BRINP3: variants seen among roughly 807,000 people sequenced by gnomAD.
BRINP3 encodes BMP/retinoic acid-inducible neural-specific protein 3.
Under a neutral mutation model 71.0 loss-of-function variants are expected in BRINP3, and 19 were observed. The observed-to-expected ratio is 0.27, with a 90% CI of 0.19 to 0.39. The LOEUF is 0.39. BRINP3 is among the 10% of genes least tolerant of loss of function. BRINP3 has a pLI of 1.00. For missense variants in BRINP3, 959 were observed against 940.8 expected (o/e 1.02, Z -0.25); for synonymous variants, 380 against 337.7 (o/e 1.13, Z -1.37).
intron 2 of BRINP3, among the ~76,000 whole-genome samples, chr1:190,313,868 TG>T (rs1178742189): frequency 3.9e-5 from 6 of 152,038 alleles, no homozygotes; most frequent in Admixed American, 2.0e-4. Context: ...TGTGGATAAT[TG>T]GTGAACTAAG....
chr1:190,377,097 T>G lies in BRINP3; in HGVS notation c.236+77558A>C, dbSNP rs1280565555. Among the ~76,000 whole-genome samples the G allele has an allele frequency of 7.9e-5, 12 of 152,106 alleles. No homozygotes were observed. In the East Asian group the frequency reaches 2.3e-3, roughly 29 times the overall value. On this transcript the variant is annotated intron_variant, in intron 2 of 7. Coordinates refer to ENST00000367462, the MANE Select transcript of BRINP3 (RefSeq NM_199051.3). Reference sequence around the variant, plus strand: ...ATAATTTTATTTTGATTATTTTTAATTTTCAATATCCACCTATAGCTAATG... The same window carrying G: ...ATAATTTTATTTTGATTATTTTTAAGTTTCAATATCCACCTATAGCTAATG...
At chr1:190,403,174 T>G (rs1323257897) in intron 2 of BRINP3, among the ~76,000 whole-genome samples, 3 of 152,168 alleles carry the variant, frequency 2.0e-5, no homozygotes, top group Non-Finnish European at 4.4e-5. Flanking sequence ...AACCAACGAA[T>G]ACACCAAAAA....
intron 3 of BRINP3, among the ~76,000 whole-genome samples, chr1:190,269,357 C>T (rs1439644155): frequency 6.6e-6 from 1 of 151,874 alleles, no homozygotes; most frequent in Non-Finnish European, 1.5e-5. Context: ...CATGAAAATA[C>T]AAAGGAAGGA....
intron 7 of BRINP3, among the ~76,000 whole-genome samples, chr1:190,159,803 AAT>A (rs1657188556): frequency 6.6e-6 from 1 of 152,008 alleles, no homozygotes; most frequent in Admixed American, 6.6e-5. Flanking sequence ...ACTAGACACC[AAT>A]AAATTGTAAA....
At chr1:190,352,351 A>G (rs1391873181) in intron 2 of BRINP3, among the ~76,000 whole-genome samples, 1 of 152,014 alleles carries the variant, frequency 6.6e-6, no homozygotes, top group Non-Finnish European at 1.5e-5. Flanking sequence ...ACTACTTTTG[A>G]GTTTCAAATG....
At chr1:190,392,958 T>G (rs1292995289) in intron 2 of BRINP3, among the ~76,000 whole-genome samples, 1 of 151,688 alleles carries the variant, frequency 6.6e-6, no homozygotes, top group East Asian at 1.9e-4. Flanking sequence ...ATGGCCAGAC[T>G]TGAATCAAAT....
intron 1 of BRINP3, among the ~76,000 whole-genome samples, chr1:190,457,420 G>A (rs1022431809): frequency 4.0e-5 from 6 of 151,568 alleles, no homozygotes; most frequent in Non-Finnish European, 5.9e-5. Context: ...CTCCAGCCTG[G>A]GTAACAGAGG....
At chr1:190,210,547 T>C (rs1452249171) in intron 6 of BRINP3, among the ~76,000 whole-genome samples, 1 of 152,110 alleles carries the variant, frequency 6.6e-6, no homozygotes, top group Non-Finnish European at 1.5e-5. Flanking sequence ...CATTTGTGTG[T>C]TCCGGTATAA....
At chr1:190,458,683 T>C (rs1676174551) in intron 1 of BRINP3, among the ~76,000 whole-genome samples, 1 of 151,992 alleles carries the variant, frequency 6.6e-6, no homozygotes, top group Non-Finnish European at 1.5e-5. Flanking sequence ...GTTAGGATAT[T>C]TTGAGGTGAC....
At chr1:190,368,071 C>T (rs545062276) in intron 2 of BRINP3, among the ~76,000 whole-genome samples, 132 of 152,192 alleles carry the variant, frequency 8.7e-4, no homozygotes, top group African/African-American at 3.0e-3. Flanking sequence ...TACCCAGCAC[C>T]GATGTACTGT....
At chr1:190,438,235 C>T (rs1353000596) in intron 2 of BRINP3, among the ~76,000 whole-genome samples, 1 of 151,046 alleles carries the variant, frequency 6.6e-6, no homozygotes, top group Non-Finnish European at 1.5e-5. Context: ...GCTGCTTTGA[C>T]AATAATTATA....
chr1:190,410,149 A>G (rs1252472681), intron 2 of BRINP3, among the ~76,000 whole-genome samples: 1 of 152,074 alleles, frequency 6.6e-6, no homozygotes, highest in Non-Finnish European at 1.5e-5. Flanking sequence ...AAGAAATGAT[A>G]TTGACCAGGA....
intron 6 of BRINP3, among the ~76,000 whole-genome samples, chr1:190,202,818 G>C (rs1655125106): frequency 1.3e-5 from 2 of 152,070 alleles, no homozygotes; most frequent in Non-Finnish European, 2.9e-5. Flanking sequence ...CAGCCATGTA[G>C]AACTGTAAGT....
At chr1:190,465,377 G>A (rs184163036) in intron 1 of BRINP3, among the ~76,000 whole-genome samples, 1 of 152,024 alleles carries the variant, frequency 6.6e-6, no homozygotes, top group East Asian at 1.9e-4. Flanking sequence ...TCAGGCTCCT[G>A]TTAACTCAGT....
intron 6 of BRINP3, among the ~76,000 whole-genome samples, 193 bp from the exon 7 acceptor site, chr1:190,161,083 C>A (rs548565412): frequency 6.6e-6 from 1 of 152,008 alleles, no homozygotes; most frequent in African/African-American, 2.4e-5. Flanking sequence ...GAATTATCTT[C>A]TTTGCTGTTC....
intron 6 of BRINP3, among the ~76,000 whole-genome samples, chr1:190,164,229 A>G (rs1651278995): frequency 6.6e-6 from 1 of 152,176 alleles, no homozygotes; most frequent in South Asian, 2.1e-4. Flanking sequence ...ACTGCTTTAG[A>G]ATATATTTTC....
At chr1:190,113,866 G>GT (rs1652898007) in intron 7 of BRINP3, among the ~76,000 whole-genome samples, 1 of 152,042 alleles carries the variant, frequency 6.6e-6, no homozygotes, top group Admixed American at 6.6e-5. Context: ...TTTGGAATAC[G>GT]TTTTTTTCAC....
chr1:190,119,439 C>G (rs1263467816), intron 7 of BRINP3, among the ~76,000 whole-genome samples: 1 of 151,976 alleles, frequency 6.6e-6, no homozygotes, highest in Non-Finnish European at 1.5e-5. Context: ...CCATGCCCGG[C>G]TAATTTTTCT....
intron 2 of BRINP3, among the ~76,000 whole-genome samples, chr1:190,410,392 A>T (rs189610624): frequency 7.2e-5 from 11 of 152,240 alleles, no homozygotes; most frequent in Admixed American, 5.2e-4. Context: ...GAGGAAATTA[A>T]GTGTTATACT....
Sources: gnomAD v4.1 joint callset for allele counts (sites outside exome capture counted in the v4.1 genomes callset) on GRCh38, gnomAD v4.1.1 for gene constraint, MANE v1.5 for transcripts, NCBI Gene and HGNC (gene_info 2026-07-23, HGNC 2026-07-21) for gene names.